FSIP2: variants seen among roughly 807,000 people sequenced by gnomAD.
The protein encoded by FSIP2 is fibrous sheath interacting protein 2, also known as fibrous sheath-interacting protein 2.
A neutral mutation model predicts 510.5 loss-of-function variants in FSIP2; 367 were observed. That is an observed-to-expected ratio of 0.72 (90% CI 0.66 to 0.78). The LOEUF (loss-of-function observed/expected upper bound fraction) is 0.78, where lower values mean the gene tolerates loss of function less well. Among genes scored for constraint, FSIP2 ranks in the 30% least tolerant of loss-of-function variants. The pLI is 0.00. For synonymous variants in FSIP2, 2,601 were observed against 2,732.2 expected (o/e 0.95, Z 1.50); for missense variants, 7,594 against 7,901.7 (o/e 0.96, Z 1.48).
chr2:185,826,095 A>T (rs1694008950), intron 20 of FSIP2, among the ~76,000 whole-genome samples: 1 of 151,862 alleles, frequency 6.6e-6, no homozygotes, highest in African/African-American at 2.4e-5. Flanking sequence ...TACATAAAAC[A>T]TAACATATAG....
At chr2:185,817,721 T>C (rs529660701) in intron 19 of FSIP2, among the ~76,000 whole-genome samples, 1 of 151,998 alleles carries the variant, frequency 6.6e-6, no homozygotes, top group East Asian at 2.0e-4. Context: ...ATGGAAATAA[T>C]AAAATACCCA....
intron 12 of FSIP2, 78 bp downstream of exon 12, chr2:185,763,367 G>T: frequency 1.4e-6 from 1 of 708,622 alleles, no homozygotes; most frequent in South Asian, 1.5e-5. Flanking sequence ...GGTATAAAAT[G>T]TCATGATTTA....
At chr2:185,773,329 C>G (rs1035211098) in intron 13 of FSIP2, among the ~76,000 whole-genome samples, 1 of 152,184 alleles carries the variant, frequency 6.6e-6, no homozygotes, top group South Asian at 2.1e-4. Context: ...ATGTCATTCT[C>G]TTCTGGCGTG....
rs762747687 is a variant in FSIP2, at chr2:185,792,466, T to C, written c.5330T>C (p.Ile1777Thr). ...CTCAAAGAACCACATATATCTCCAA[T>C]TGCTCCCATTATAAGAAATATTTTG... The part of the protein sequence containing the change: ...VKLKEPHISP[I>T]APIIRNILNE... The change falls in exon 16 of 23, where the codon ATT becomes ACT. Residue 1777 changes from isoleucine to threonine, a missense_variant. Physicochemically the swap from Ile to Thr is moderately conservative, Grantham distance 89. Transcript: ENST00000424728. The C allele has an allele frequency of 1.2e-5, 19 of 1,530,734 alleles. No individual in the cohort carries two copies. Among genetic ancestry groups the C allele is most frequent in the Non-Finnish European group, 1.6e-5 (18 of 1,142,670 alleles). The allele number at this position is 1,530,734 out of a possible 1,614,324, so 94.8% of individuals were successfully genotyped here.
At chr2:185,814,155 A>C (rs2105667925) in intron 18 of FSIP2, 113 bp downstream of exon 18, 1,329 of 1,048,620 alleles carry the variant, frequency 1.3e-3, no homozygotes, top group Non-Finnish European at 1.7e-3. Flanking sequence ...ATTCAATCTC[A>C]AGCCTGGTGA....
chr2:185,765,652 TTAAAG>T (rs1199041625), intron 13 of FSIP2: 3 of 152,026 alleles, frequency 2.0e-5, no homozygotes, highest in African/African-American at 4.8e-5. Flanking sequence ...CATATGAACT[TTAAAG>T]TAGTTTTTTC....
At chr2:185,784,695 A>AAAGT in intron 14 of FSIP2, among the ~76,000 whole-genome samples, 1 of 152,186 alleles carries the variant, frequency 6.6e-6, no homozygotes, top group South Asian at 2.1e-4. Context: ...GAAGCTGGAG[A>AAAGT]AAGTGGATGA....
At chr2:185,778,500 A>G (rs1692774912) in intron 13 of FSIP2, among the ~76,000 whole-genome samples, 1 of 151,890 alleles carries the variant, frequency 6.6e-6, no homozygotes, top group African/African-American at 2.4e-5. Flanking sequence ...GTTTGTACCC[A>G]TGAGTTAGTT....
Position 185,794,133 on chromosome 2 carries a change from C to T in FSIP2, c.6997C>T (p.Arg2333Cys), listed in dbSNP as rs527627737. 7.2e-4 allele frequency: 1,108 copies of T among 1,531,884 alleles called. 1 individual carries two copies. Among genetic ancestry groups the T allele is most frequent in the Non-Finnish European group, 9.0e-4 (1,031 of 1,144,422 alleles). 94.9% of individuals were successfully genotyped at this position (1,531,884 alleles called of 1,614,324 possible). Residue 2333 changes from arginine to cysteine, a missense_variant, in exon 16 of 23, where the codon CGC becomes TGC. Physicochemically the swap from Arg to Cys is radical, Grantham distance 180. Transcript: ENST00000424728. ...QELTDFTFVG[R>C]REKLGSTIHL... ...GCTTACAGATTTCACTTTTGTTGGT[C>T]GCAGAGAAAAACTTGGATCCACAAT...
chr2:185,795,759 GA>G lies in FSIP2; in HGVS notation c.8625del (p.Glu2875AspfsTer2). Reference sequence around the variant, plus strand: ...GACTGAAATTTCAATAAAAGCAAAAGAATTAGAATATTCTCTTTCACTTTTA... The same window carrying G: ...GACTGAAATTTCAATAAAAGCAAAAGATTAGAATATTCTCTTTCACTTTTA... ...VLTEISIKAK[E>X]LEYSLSLLNL... On this transcript the variant is annotated frameshift_variant, in exon 16 of 23. Transcript: ENST00000424728. LOFTEE classifies it high-confidence loss of function. 1 of 1,533,454 alleles carries G rather than the reference GA, an allele frequency of 6.5e-7. No homozygotes were observed. The highest frequency in any genetic ancestry group is 8.7e-7 in the Non-Finnish European group (1 of 1,145,146). 95.0% of individuals were successfully genotyped at this position (1,533,454 alleles called of 1,614,324 possible). A position where few individuals can be genotyped will look rare whatever the true frequency, so the allele number is the denominator to read the frequency against.
chr2:185,794,544 A>G lies in FSIP2; in HGVS notation c.7408A>G (p.Met2470Val). The G allele has an allele frequency of 6.5e-7, 1 of 1,530,144 alleles. No individual in the cohort carries two copies. Among genetic ancestry groups the G allele is most frequent in the Non-Finnish European group, 8.7e-7 (1 of 1,144,580 alleles). 94.8% of individuals were successfully genotyped at this position (1,530,144 alleles called of 1,614,324 possible). Residue 2470 changes from methionine (M) to valine (V), a missense_variant, in exon 16 of 23, where the codon ATG becomes GTG. Coordinates refer to ENST00000424728, the MANE Select transcript of FSIP2 (RefSeq NM_173651.4). ...RQIIVLEEIF[M>V]RNGESKNKEK... ...GATAATTGTTTTGGAAGAAATATTT[A>G]TGAGAAATGGAGAATCAAAAAACAA...
intron 14 of FSIP2, chr2:185,784,136 C>T (rs1692912901): frequency 6.6e-6 from 1 of 152,092 alleles, no homozygotes; most frequent in Non-Finnish European, 1.5e-5. Flanking sequence ...TGTTCCTGAT[C>T]ATTTGTTTAA....
chr2:185,739,186 A>C, intron 1 of FSIP2, 160 bp from the exon 2 acceptor site: 1 of 1,123,254 alleles, frequency 8.9e-7, no homozygotes, highest in East Asian at 2.7e-5. Context: ...GCGGGACGCC[A>C]GGAGAGCTGG....
chr2:185,738,141 C>T (rs114648494), upstream of FSIP2: 1,343 of 168,338 alleles, frequency 8.0e-3, 26 homozygotes, highest in Non-Finnish European at 7.2e-3. Context: ...CAGAATACTC[C>T]CAGTCTAGTT....
In FSIP2 at chr2:185,792,110, A is replaced by G. The variant is rs758792629; in HGVS notation, c.4974A>G (p.Leu1658=). The part of the protein sequence containing the change: ...SAILKVIQTE[L]NVTSSDLKTS... ...TTTTGAAGGTTATTCAAACAGAATT[A>G]AATGTGACCTCATCAGATTTGAAGA... The change falls in exon 16 of 23, where the codon TTA becomes TTG. Residue 1658 remains leucine, a synonymous_variant. Coordinates refer to ENST00000424728, the MANE Select transcript of FSIP2 (RefSeq NM_173651.4). The G allele has an allele frequency of 2.6e-6, 4 of 1,534,068 alleles. No homozygotes were observed. The highest frequency in any genetic ancestry group is 3.5e-6 in the Non-Finnish European group (4 of 1,145,442).
chr2:185,749,511 CA>C (rs1692101570), intron 7 of FSIP2, among the ~76,000 whole-genome samples: 1 of 151,932 alleles, frequency 6.6e-6, no homozygotes, highest in Non-Finnish European at 1.5e-5. Flanking sequence ...GCATTGTTAA[CA>C]ATCAATAATC....
At position 185,801,256 on chromosome 2, in the gene FSIP2, T is replaced by C. The variant is rs1383924055; in HGVS notation, c.11950T>C (p.Phe3984Leu). The C allele has an allele frequency of 7.8e-6, 12 of 1,534,162 alleles. No individual in the cohort carries two copies. The East Asian group carries it at 2.7e-4, about 34-fold the overall frequency. ...TFLEGIISEL[F>L]FNLSMSLWGK... Reference sequence around the variant, plus strand: ...TTTGGAAGGAATAATTTCAGAATTGTTTTTTAATCTCTCTATGTCATTGTG... The same window carrying C: ...TTTGGAAGGAATAATTTCAGAATTGCTTTTTAATCTCTCTATGTCATTGTG... The change falls in exon 17 of 23, where the codon TTT becomes CTT. Residue 3984 changes from phenylalanine to leucine, a missense_variant. Phe to Leu is a conservative substitution (Grantham distance 22, BLOSUM62 0). Transcript: ENST00000424728.
chr2:185,829,963 A>G (rs35430774), intron 21 of FSIP2, among the ~76,000 whole-genome samples: 2 of 151,690 alleles, frequency 1.3e-5, no homozygotes, highest in South Asian at 4.1e-4. Flanking sequence ...CTGAAGTTAC[A>G]TAGACAAAAG....
chr2:185,779,095 C>A (rs1355002697), intron 13 of FSIP2, among the ~76,000 whole-genome samples: 2 of 151,932 alleles, frequency 1.3e-5, no homozygotes, highest in African/African-American at 4.8e-5. Context: ...CTCTTGTAGA[C>A]AATCTACAGC....
Sources: gnomAD v4.1 joint callset for allele counts (sites outside exome capture counted in the v4.1 genomes callset) on GRCh38, gnomAD v4.1.1 for gene constraint, MANE v1.5 for transcripts, NCBI Gene and HGNC (gene_info 2026-07-23, HGNC 2026-07-21) for gene names.